Variants in DNM1 observed in about 807,000 individuals in gnomAD.
The protein encoded by DNM1 is dynamin 1.
Under a neutral mutation model 104.6 loss-of-function variants are expected in DNM1, and 29 were observed. The ratio of observed to expected loss-of-function variants is 0.28; its 90% CI spans 0.21 to 0.38. The LOEUF is 0.38. Among genes scored for constraint, DNM1 ranks in the 10% least tolerant of loss-of-function variants. The pLI is 1.00. For missense variants in DNM1, 640 were observed against 1,189.4 expected (o/e 0.54, Z 6.79); for synonymous variants, 445 against 475.8 (o/e 0.94, Z 0.84).
intron 4 of DNM1, 136 bp downstream of exon 4, chr9:128,219,388 G>A: frequency 1.3e-6 from 1 of 778,044 alleles, no homozygotes; most frequent in South Asian, 1.7e-5. Context: ...CACTTTGGGG[G>A]TCAGGCATGG....
intron 1 of DNM1, among the ~76,000 whole-genome samples, chr9:128,210,279 T>C (rs1212277653): frequency 6.6e-6 from 1 of 151,914 alleles, no homozygotes; most frequent in Non-Finnish European, 1.5e-5. Context: ...GGCCTCAAAC[T>C]CCTGGACTCA....
chr9:128,246,159 C>A (rs549757521), intron 15 of DNM1, among the ~76,000 whole-genome samples: 18 of 152,292 alleles, frequency 1.2e-4, no homozygotes, highest in Non-Finnish European at 1.9e-4. Context: ...CTCCCCACCC[C>A]TCACCAGCCC....
rs1048074848 is a variant in DNM1 at position 128,220,975 on chromosome 9, C to T, written c.849+634C>T. The T allele has an allele frequency of 5.3e-4, 61 of 114,172 alleles. No individual in the cohort carries two copies. The highest frequency in any genetic ancestry group is 1.7e-3 in the African/African-American group (49 of 28,114). The allele number at this position is 114,172 out of a possible 1,614,324, so 7.1% of individuals were successfully genotyped here. ...TCTTTCCTTTCTTCTTTCTTTCTTT[C>T]TCTTTCTTTCTTTCTTTCCCTTCCT... On this transcript the variant is annotated intron_variant, in intron 6 of 21. Transcript: ENST00000372923. This position sits in a 1 kb window ranked among gnomAD's most constrained non-coding sequence, Gnocchi z 5.2.
rs375899651 is a variant in DNM1, at chr9:128,254,586, G to A, written c.2535-68G>A. 6.9e-6 allele frequency: 11 copies of A among 1,588,332 alleles called. No individual in the cohort carries two copies. The highest frequency in any genetic ancestry group is 2.7e-5 in the African/African-American group (2 of 74,462). ...GCGGCCGGCCCCGGCCGTGTGCTGC[G>A]CTTGCCTTACCAGCTCTCTCCTCGC... On this transcript the variant is annotated intron_variant, in intron 21 of 21. Transcript: ENST00000372923. The surrounding 1 kb of genome is among the most constrained non-coding windows in gnomAD (Gnocchi z 6.1).
At chr9:128,237,693 A>G (rs1317314815) in intron 11 of DNM1, among the ~76,000 whole-genome samples, 3 of 152,180 alleles carry the variant, frequency 2.0e-5, no homozygotes, top group Non-Finnish European at 4.4e-5. Flanking sequence ...TACTACTTTG[A>G]ATACTCTGGC....
At chr9:128,244,743 C>T in intron 15 of DNM1, 1 of 534,046 alleles carries the variant, frequency 1.9e-6, no homozygotes, top group South Asian at 1.4e-5. Flanking sequence ...CCCAGCCCAG[C>T]CTAACCAATG....
At chr9:128,213,231 G>A (rs575816422) in intron 1 of DNM1, among the ~76,000 whole-genome samples, 51 of 151,972 alleles carry the variant, frequency 3.4e-4, no homozygotes, top group Non-Finnish European at 6.3e-4. Flanking sequence ...ACAGGCGCAC[G>A]CCACCACACC....
intron 1 of DNM1, among the ~76,000 whole-genome samples, chr9:128,208,802 G>C (rs1834121492): frequency 6.6e-6 from 1 of 152,180 alleles, no homozygotes; most frequent in African/African-American, 2.4e-5. Context: ...GACATTGAGG[G>C]GAGGGGGGCT....
Position 128,218,524 on chromosome 9 carries a change from C to T in DNM1, c.236-58C>T. The T allele has an allele frequency of 5.1e-6, 8 of 1,568,856 alleles. No individual in the cohort carries two copies. Among genetic ancestry groups the T allele is most frequent in the Non-Finnish European group, 6.9e-6 (8 of 1,151,346 alleles). On this transcript the variant is annotated intron_variant, in intron 2 of 21. Coordinates refer to ENST00000372923, the MANE Select transcript of DNM1 (RefSeq NM_004408.4). The surrounding 1 kb of genome is among the most constrained non-coding windows in gnomAD (Gnocchi z 4.8). ...ATTACCGGTGGGAGATGAAAACCCC[C>T]AGGTGGGGTTCCAGACCTTGATGCC...
At position 128,224,825 on chromosome 9, in the gene DNM1, G is replaced by T. The variant is rs1200178225; in HGVS notation, c.1335+436G>T. Among the ~76,000 whole-genome samples the T allele has an allele frequency of 2.6e-5, 4 of 152,086 alleles. No homozygotes were observed. The stretch of plus-strand genomic sequence containing the variant: ...GCTCGGTGGGCCTGGGTGGCCAGAG[G>T]GGGTGCAGAGGACCCAGGACTAGCA... On this transcript the variant is annotated intron_variant, in intron 10 of 21. Coordinates refer to ENST00000372923, the MANE Select transcript of DNM1 (RefSeq NM_004408.4). The surrounding 1 kb of genome is among the most constrained non-coding windows in gnomAD (Gnocchi z 4.3).
chr9:128,232,974 G>A (rs1223386198), intron 10 of DNM1, among the ~76,000 whole-genome samples: 1 of 152,192 alleles, frequency 6.6e-6, no homozygotes, highest in Non-Finnish European at 1.5e-5. Flanking sequence ...TGGAGGAGGT[G>A]GAGTGGGAGA....
At position 128,224,322 on chromosome 9, in the gene DNM1, C is replaced by T. The variant is rs1373361613; in HGVS notation, c.1268C>T (p.Pro423Leu). ...AAGCAGGTGAAGAAGATCCGAGAAC[C>T]GTGTCTCAAGTGTGTGGACATGGTT... ...VKKQVKKIREPCLKCVDMVIS... is the reference protein window; with the variant it reads ...VKKQVKKIRELCLKCVDMVIS... The change falls in exon 10 of 22, where the codon CCG (proline) becomes CTG (leucine). Residue 423 changes from proline to leucine, a missense_variant. By Grantham distance (98) the Pro-to-Leu change is moderately conservative. Coordinates refer to ENST00000372923, the MANE Select transcript of DNM1 (RefSeq NM_004408.4). The surrounding 1 kb of genome is among the most constrained non-coding windows in gnomAD (Gnocchi z 4.3). 4.3e-6 allele frequency: 7 copies of T among 1,613,948 alleles called. No individual in the cohort carries two copies. The highest frequency in any genetic ancestry group is 4.5e-5 in the East Asian group (2 of 44,888).
At chr9:128,211,416 T>G (rs1013750317) in intron 1 of DNM1, among the ~76,000 whole-genome samples, 1 of 148,962 alleles carries the variant, frequency 6.7e-6, no homozygotes, top group South Asian at 2.1e-4. Context: ...GGCCGTGCCC[T>G]CTCTCTCACT....
chr9:128,208,257 A>G (rs893492112), intron 1 of DNM1, among the ~76,000 whole-genome samples: 6 of 152,026 alleles, frequency 3.9e-5, no homozygotes, highest in African/African-American at 7.3e-5. Flanking sequence ...ATGGAGTTTC[A>G]TCATGTTGTC....
Position 128,248,461 on chromosome 9 carries a change from G to A in DNM1, c.1906-122G>A. On this transcript the variant is annotated intron_variant, in intron 18 of 21. Transcript: ENST00000372923. The surrounding 1 kb of genome is among the most constrained non-coding windows in gnomAD (Gnocchi z 5.6). The stretch of plus-strand genomic sequence containing the variant: ...GATGCGGAGCCAGGTATGTATTCAG[G>A]CCAGTCGCTTCTCTCTGTGCCTCAA... 3 of 1,151,564 alleles carry A rather than the reference G, an allele frequency of 2.6e-6. No individual in the cohort carries two copies. The highest frequency in any genetic ancestry group is 2.5e-4 in the Middle Eastern group (1 of 3,978). 71.3% of individuals were successfully genotyped at this position (1,151,564 alleles called of 1,614,324 possible).
rs751096759 is a variant in DNM1 at position 128,218,531 on chromosome 9, G to T, written c.236-51G>T. ...GTGGGAGATGAAAACCCCCAGGTGG[G>T]GTTCCAGACCTTGATGCCTACTGCC... On this transcript the variant is annotated intron_variant, in intron 2 of 21. Transcript: ENST00000372923. The surrounding 1 kb of genome is among the most constrained non-coding windows in gnomAD (Gnocchi z 4.8). 10 of 1,576,366 alleles carry T rather than the reference G, an allele frequency of 6.3e-6. No individual in the cohort carries two copies. The highest frequency in any genetic ancestry group is 8.6e-6 in the Non-Finnish European group (10 of 1,156,606).
chr9:128,205,678 C>G (rs1172467259), intron 1 of DNM1, among the ~76,000 whole-genome samples: 1 of 152,134 alleles, frequency 6.6e-6, no homozygotes, highest in Non-Finnish European at 1.5e-5. Context: ...TGACTGTGGG[C>G]TCCACCGAGT....
At position 128,245,533 on chromosome 9, in the gene DNM1, C is replaced by G. The variant is rs761716335; in HGVS notation, c.1672-861C>G. On this transcript the variant is annotated intron_variant, in intron 15 of 21. Transcript: ENST00000372923. This position sits in a 1 kb window ranked among gnomAD's most constrained non-coding sequence, Gnocchi z 5.2. Reference sequence around the variant, plus strand: ...AGCCTACATACACATGTGCCCACACCGAGCACACACATGGGCCTAGCACCC... The same window carrying G: ...AGCCTACATACACATGTGCCCACACGGAGCACACACATGGGCCTAGCACCC... 6.6e-6 allele frequency among the ~76,000 whole-genome samples: 1 copy of G among 152,056 alleles called. No individual in the cohort carries two copies. The highest frequency in any genetic ancestry group is 1.5e-5 in the Non-Finnish European group (1 of 67,990).
chr9:128,251,257 TTCC>T (rs1829501156), intron 21 of DNM1: 6 of 505,698 alleles, frequency 1.2e-5, no homozygotes, highest in South Asian at 9.4e-5. Flanking sequence ...ACACGTTGCA[TTCC>T]TCCTCCTTTC....
Sources: gnomAD v4.1 joint callset for allele counts (sites outside exome capture counted in the v4.1 genomes callset) on GRCh38, gnomAD v4.1.1 for gene constraint, Gnocchi (gnomAD v3.1) non-coding constraint, MANE v1.5 for transcripts, NCBI Gene and HGNC (gene_info 2026-07-23, HGNC 2026-07-21) for gene names.